CDH4: variants seen among roughly 807,000 people sequenced by gnomAD.
The protein encoded by CDH4 is cadherin-4.
Under a neutral mutation model 86.0 loss-of-function variants are expected in CDH4, and 33 were observed. That is an observed-to-expected ratio of 0.38 (90% CI 0.29 to 0.51). CDH4 has a LOEUF of 0.51. Ranked by LOEUF, CDH4 falls within the 20% of genes least tolerant of loss-of-function variation. CDH4 has a pLI of 0.86. For missense variants in CDH4, 1,114 were observed against 1,307.4 expected (o/e 0.85, Z 2.28); for synonymous variants, 555 against 549.4 (o/e 1.01, Z -0.14).
At chr20:61,530,003 AATTT>A (rs886135845) in intron 2 of CDH4, among the ~76,000 whole-genome samples, 3 of 151,750 alleles carry the variant, frequency 2.0e-5, no homozygotes, top group Middle Eastern at 3.4e-3. Context: ...ATGCTTGGCT[AATTT>A]ATTTGTTTTT....
chr20:61,755,449 C>A (rs1010700810), intron 3 of CDH4, among the ~76,000 whole-genome samples: 6 of 137,892 alleles, frequency 4.4e-5, no homozygotes, highest in Non-Finnish European at 7.5e-5. Flanking sequence ...CACACACACA[C>A]CCCGTACACA....
intron 2 of CDH4, among the ~76,000 whole-genome samples, chr20:61,313,140 C>T (rs530600176): frequency 2.0e-5 from 3 of 152,306 alleles, no homozygotes; most frequent in East Asian, 1.9e-4. Context: ...GCGGGCTCAT[C>T]GAGGCCTGGT....
intron 5 of CDH4, among the ~76,000 whole-genome samples, chr20:61,845,584 C>T (rs1982413172): frequency 6.6e-6 from 1 of 152,250 alleles, no homozygotes; most frequent in South Asian, 2.1e-4. Context: ...GGAGCCAAAT[C>T]ACGAGGGTCA....
intron 2 of CDH4, among the ~76,000 whole-genome samples, chr20:61,534,205 C>T (rs2085976837): frequency 6.6e-6 from 1 of 152,168 alleles, no homozygotes; most frequent in Non-Finnish European, 1.5e-5. Flanking sequence ...TTGCACTCTG[C>T]TATGGAAATA....
At position 61,516,626 on chromosome 20, in the gene CDH4, C is replaced by G. The variant is rs958859240; in HGVS notation, c.170-226937C>G. Among the ~76,000 whole-genome samples, 2 of 152,172 alleles carry G rather than the reference C, an allele frequency of 1.3e-5. No homozygotes were observed. The highest frequency in any genetic ancestry group is 2.4e-5 in the African/African-American group (1 of 41,452). On this transcript the variant is annotated intron_variant, in intron 2 of 15. Coordinates refer to ENST00000614565, the MANE Select transcript of CDH4 (RefSeq NM_001794.5). This position sits in a 1 kb window ranked among gnomAD's most constrained non-coding sequence, Gnocchi z 4.0. Reference sequence around the variant, plus strand: ...TCTGGCAGAAAGCTCAGTGGCTGAGCTATTTTAAAGCAAAGTATCAGACCC... The same window carrying G: ...TCTGGCAGAAAGCTCAGTGGCTGAGGTATTTTAAAGCAAAGTATCAGACCC...
At chr20:61,704,785 G>C (rs13040813) in intron 2 of CDH4, among the ~76,000 whole-genome samples, 38,866 of 152,094 alleles carry the variant, frequency 0.26, 6,743 homozygotes, top group Non-Finnish European at 0.36. Context: ...GCCGCTCTGG[G>C]CACCACAGGC....
intron 4 of CDH4, among the ~76,000 whole-genome samples, chr20:61,834,948 T>A (rs1029963913): frequency 6.6e-6 from 1 of 152,248 alleles, no homozygotes; most frequent in Non-Finnish European, 1.5e-5. Flanking sequence ...CTCACTCTTC[T>A]GAGCAGCTGT....
intron 2 of CDH4, among the ~76,000 whole-genome samples, chr20:61,659,759 T>G (rs1402154524): frequency 6.6e-6 from 1 of 151,868 alleles, no homozygotes; most frequent in Non-Finnish European, 1.5e-5. Flanking sequence ...ATCTGAGGCT[T>G]GGAGGCAGGA....
At chr20:61,798,638 G>A (rs988630602) in intron 4 of CDH4, among the ~76,000 whole-genome samples, 2 of 152,226 alleles carry the variant, frequency 1.3e-5, no homozygotes, top group African/African-American at 4.8e-5. Context: ...CTGGTGACCA[G>A]TACTCATGGA....
chr20:61,873,839 T>C lies in CDH4; in HGVS notation c.989T>C (p.Met330Thr). Residue 330 changes from methionine to threonine, a missense_variant, in exon 7 of 16, where the codon ATG becomes ACG. Around this residue, in one of 3 missense-constraint regions of CDH4, gnomAD observed 705 missense variants for 914.1 expected, o/e 0.77. Transcript: ENST00000614565. ...TQTPQSPSQNMFTINSETGDI... is the reference protein window; with the variant it reads ...TQTPQSPSQNTFTINSETGDI... ...ACCCCACAGAGCCCGTCCCAGAATA[T>C]GTTCACCATCAACAGCGAGACTGGA... The C allele has an allele frequency of 6.2e-7, 1 of 1,614,074 alleles. No individual in the cohort carries two copies.
At chr20:61,624,818 C>T (rs1346691704) in intron 2 of CDH4, among the ~76,000 whole-genome samples, 1 of 152,164 alleles carries the variant, frequency 6.6e-6, no homozygotes, top group Non-Finnish European at 1.5e-5. Context: ...AGGGAGCCGA[C>T]GCTGGCATGG....
intron 2 of CDH4, among the ~76,000 whole-genome samples, chr20:61,461,750 C>A (rs1168928934): frequency 1.3e-5 from 2 of 152,190 alleles, no homozygotes; most frequent in East Asian, 3.9e-4. Flanking sequence ...CTGGAATTGT[C>A]CCCAACGGAG....
chr20:61,707,491 A>G (rs2087844393), intron 2 of CDH4, among the ~76,000 whole-genome samples: 1 of 152,218 alleles, frequency 6.6e-6, no homozygotes, highest in East Asian at 1.9e-4. Context: ...GGATGTGGAC[A>G]CGTGTGAGTG....
At chr20:61,455,800 G>T (rs117191918) in intron 2 of CDH4, among the ~76,000 whole-genome samples, 1 of 152,162 alleles carries the variant, frequency 6.6e-6, no homozygotes, top group Non-Finnish European at 1.5e-5. Context: ...CCTCGAGGAC[G>T]CTGTGTATGG....
intron 4 of CDH4, among the ~76,000 whole-genome samples, chr20:61,819,643 G>A (rs1256823292): frequency 1.3e-5 from 2 of 152,226 alleles, no homozygotes; most frequent in African/African-American, 2.4e-5. Flanking sequence ...TGATAGCCTT[G>A]TGGGTTTTCT....
chr20:61,919,987 TTGCA>T (rs1208046095), intron 9 of CDH4, among the ~76,000 whole-genome samples: 3,226 of 83,404 alleles, frequency 0.039, no homozygotes, highest in African/African-American at 0.07. Flanking sequence ...ATCGCGGTGA[TTGCA>T]TGGAAGTGTG....
At chr20:61,375,130 C>T (rs1417869313) in intron 2 of CDH4, among the ~76,000 whole-genome samples, 3 of 152,174 alleles carry the variant, frequency 2.0e-5, no homozygotes, top group Non-Finnish European at 4.4e-5. Flanking sequence ...TGTTTGGGCA[C>T]ATGTTCTCAT....
At chr20:61,359,461 G>A (rs1359865959) in intron 2 of CDH4, among the ~76,000 whole-genome samples, 3 of 152,194 alleles carry the variant, frequency 2.0e-5, no homozygotes, top group Non-Finnish European at 4.4e-5. Flanking sequence ...CCAGCACGCA[G>A]GCCGCCTGGA....
At chr20:61,436,310 C>G (rs139843678) in intron 2 of CDH4, among the ~76,000 whole-genome samples, 106 of 152,336 alleles carry the variant, frequency 7.0e-4, no homozygotes, top group African/African-American at 2.5e-3. Context: ...CTGACACTGT[C>G]TAGCAGAGGC....
Sources: allele counts gnomAD v4.1 joint callset (sites outside exome capture counted in the v4.1 genomes callset), GRCh38; gene constraint gnomAD v4.1.1; regional missense constraint gnomAD v4.1.1; non-coding constraint Gnocchi (gnomAD v3.1); transcripts MANE v1.5; gene names NCBI Gene and HGNC (gene_info 2026-07-23, HGNC 2026-07-21).